Variants in ELMO1 observed in about 807,000 individuals in gnomAD.
ELMO1 encodes engulfment and cell motility 1.
In ELMO1, 26 loss-of-function variants were observed where a neutral mutation model predicts 98.9. The ratio of observed to expected loss-of-function variants is 0.26; its 90% CI spans 0.19 to 0.36. The LOEUF (loss-of-function observed/expected upper bound fraction) is 0.36. Among genes scored for constraint, ELMO1 ranks in the 10% least tolerant of loss-of-function variants. The pLI is 1.00. For synonymous variants in ELMO1, 346 were observed against 346.0 expected (o/e 1.00, Z 0.00); for missense variants, 627 against 935.2 (o/e 0.67, Z 4.30).
At chr7:37,377,878 C>A (rs919249320) in intron 1 of ELMO1, among the ~76,000 whole-genome samples, 2 of 152,158 alleles carry the variant, frequency 1.3e-5, no homozygotes, top group African/African-American at 4.8e-5. Context: ...AAGCTCTGCA[C>A]TACTCTTATT....
At chr7:37,129,492 A>T (rs893294813) in intron 14 of ELMO1, among the ~76,000 whole-genome samples, 1 of 152,174 alleles carries the variant, frequency 6.6e-6, no homozygotes, top group Non-Finnish European at 1.5e-5. Context: ...TGCATGTAAG[A>T]GTCTGGATGG....
At chr7:37,206,770 AT>A (rs1001659324) in intron 13 of ELMO1, among the ~76,000 whole-genome samples, 3 of 151,954 alleles carry the variant, frequency 2.0e-5, no homozygotes, top group African/African-American at 7.3e-5. Flanking sequence ...ATATGATGAA[AT>A]TTTTTTGTAA....
chr7:37,123,061 G>A (rs1223545267), intron 14 of ELMO1, among the ~76,000 whole-genome samples: 1 of 151,624 alleles, frequency 6.6e-6, no homozygotes, highest in East Asian at 1.9e-4. Context: ...AATGAAAGTA[G>A]AAATAAAGAT....
At chr7:37,165,402 C>T (rs1584748504) in intron 13 of ELMO1, among the ~76,000 whole-genome samples, 1 of 151,850 alleles carries the variant, frequency 6.6e-6, no homozygotes, top group South Asian at 2.1e-4. Context: ...AGAGGGCATC[C>T]CTGTCTTGTG....
At chr7:37,320,814 T>TA (rs1799448993) in intron 2 of ELMO1, among the ~76,000 whole-genome samples, 2 of 151,984 alleles carry the variant, frequency 1.3e-5, no homozygotes, top group Admixed American at 1.3e-4. Context: ...AACTTTCCTT[T>TA]AAAAAACAAC....
intron 11 of ELMO1, among the ~76,000 whole-genome samples, chr7:37,214,116 G>A (rs962063538): frequency 3.9e-5 from 6 of 152,168 alleles, no homozygotes; most frequent in African/African-American, 1.4e-4. Flanking sequence ...GGCAGGACAG[G>A]AAGACTGGAT....
At chr7:37,077,911 G>C (rs886277857) in intron 15 of ELMO1, among the ~76,000 whole-genome samples, 1 of 152,208 alleles carries the variant, frequency 6.6e-6, no homozygotes, top group African/African-American at 2.4e-5. Flanking sequence ...TAAAGGGAAA[G>C]AAACCTACAT....
In ELMO1 at chr7:37,206,103, C is replaced by T. The variant is rs181620024; in HGVS notation, c.1086+5283G>A. Among the ~76,000 whole-genome samples, 51 of 152,250 alleles carry T rather than the reference C, an allele frequency of 3.3e-4. 1 individual carries two copies. The East Asian group carries it at 8.5e-3, about 25-fold the overall frequency. ...CACGTTCTGCTATCACCATCTCTCA[C>T]GGTGTCACAGAGCACTGGACGCCAT... is the stretch of plus-strand genomic sequence containing the variant. On this transcript the variant is annotated intron_variant, in intron 13 of 21. Coordinates refer to ENST00000310758, the MANE Select transcript of ELMO1 (RefSeq NM_014800.11).
chr7:36,895,571 T>C (rs1805927021), intron 16 of ELMO1, among the ~76,000 whole-genome samples: 1 of 152,172 alleles, frequency 6.6e-6, no homozygotes, highest in Non-Finnish European at 1.5e-5. Context: ...TGATATTGCC[T>C]CTTTGAGCCT....
intron 16 of ELMO1, among the ~76,000 whole-genome samples, chr7:36,965,152 T>C (rs1218618919): frequency 2.6e-5 from 4 of 152,130 alleles, no homozygotes; most frequent in African/African-American, 9.7e-5. Flanking sequence ...CAACCATCCT[T>C]TCCCCATGAG....
intron 8 of ELMO1, among the ~76,000 whole-genome samples, chr7:37,231,901 G>T (rs191342769): frequency 1.2e-3 from 182 of 152,180 alleles, no homozygotes; most frequent in Middle Eastern, 3.4e-3. Context: ...CACCCAGACT[G>T]GAGTGTAGTG....
At chr7:37,186,006 C>T (rs1207139083) in intron 13 of ELMO1, among the ~76,000 whole-genome samples, 1 of 152,122 alleles carries the variant, frequency 6.6e-6, no homozygotes, top group Non-Finnish European at 1.5e-5. Context: ...CCCTCCATAG[C>T]CAAAATAATC....
chr7:37,188,501 A>AAAAAT (rs764889756), intron 13 of ELMO1, among the ~76,000 whole-genome samples: 1,573 of 125,920 alleles, frequency 0.012, 78 homozygotes, highest in Non-Finnish European at 0.018. Flanking sequence ...AAAAAAAAAA[A>AAAAAT]AATAATAATA....
chr7:37,125,957 C>G (rs1207632629), intron 14 of ELMO1, among the ~76,000 whole-genome samples: 1 of 152,102 alleles, frequency 6.6e-6, no homozygotes, highest in Non-Finnish European at 1.5e-5. Context: ...CCATGGAATA[C>G]TATGCAGCCA....
chr7:37,064,702 G>C (rs1197241819), intron 15 of ELMO1, among the ~76,000 whole-genome samples: 5 of 151,992 alleles, frequency 3.3e-5, no homozygotes, highest in African/African-American at 4.8e-5. Context: ...AACCCTTCCT[G>C]CTTTTAAAAG....
intron 8 of ELMO1, 24 bp from the exon 9 acceptor site, chr7:37,225,054 T>G: frequency 6.2e-7 from 1 of 1,613,758 alleles, no homozygotes; most frequent in East Asian, 2.2e-5. Context: ...TGGGACACAA[T>G]TGACTGCTCG....
intron 4 of ELMO1, among the ~76,000 whole-genome samples, chr7:37,286,479 A>G (rs1484693545): frequency 2.0e-5 from 3 of 152,212 alleles, no homozygotes; most frequent in African/African-American, 7.2e-5. Flanking sequence ...CCCTTTCTGC[A>G]GTGCCACATG....
At chr7:37,246,059 A>G (rs1794990566) in intron 6 of ELMO1, among the ~76,000 whole-genome samples, 1 of 152,210 alleles carries the variant, frequency 6.6e-6, no homozygotes, top group Non-Finnish European at 1.5e-5. Flanking sequence ...GACTCTCACT[A>G]TGGCCAACTT....
intron 2 of ELMO1, among the ~76,000 whole-genome samples, chr7:37,328,522 A>G (rs1799940618): frequency 6.6e-6 from 1 of 152,064 alleles, no homozygotes; most frequent in Non-Finnish European, 1.5e-5. Context: ...AAATCTACCA[A>G]GTCCTCAAAA....
Sources: gnomAD v4.1 joint callset for allele counts (sites outside exome capture counted in the v4.1 genomes callset) on GRCh38, gnomAD v4.1.1 for gene constraint, MANE v1.5 for transcripts, NCBI Gene and HGNC (gene_info 2026-07-23, HGNC 2026-07-21) for gene names.